Variants in SGCZ observed in about 807,000 individuals in gnomAD.
SGCZ encodes zeta-sarcoglycan.
SGCZ carries 40 observed loss-of-function variants against 41.3 expected under a neutral mutation model. The observed-to-expected ratio is 0.97, with a 90% CI of 0.75 to 1.26. The LOEUF (loss-of-function observed/expected upper bound fraction) is 1.26, where lower values mean the gene tolerates loss of function less well. Among genes scored for constraint, SGCZ ranks in the 50% most tolerant of loss-of-function variants. The probability of loss-of-function intolerance (pLI) is 0.00; values close to 1 mark genes in which losing one functional copy is unlikely to be tolerated. For missense variants in SGCZ, 552 were observed against 369.8 expected, an observed-to-expected ratio of 1.49 and a Z score of -4.04; for synonymous variants, 206 against 137.5, an observed-to-expected ratio of 1.50 and a Z score of -3.49.
At chr8:14,492,114 G>A (rs184464886) in intron 2 of SGCZ, among the ~76,000 whole-genome samples, 61 of 152,226 alleles carry the variant, frequency 4.0e-4, no homozygotes, top group African/African-American at 1.4e-3. Context: ...TTTACATAAA[G>A]CGAGAGAATA....
chr8:14,969,437 T>C (rs371484269), intron 1 of SGCZ, among the ~76,000 whole-genome samples: 46 of 152,166 alleles, frequency 3.0e-4, no homozygotes, highest in African/African-American at 1.1e-3. Flanking sequence ...GACATATCTA[T>C]ACAACTACAG....
chr8:14,101,442 A>G (rs1484068589), intron 7 of SGCZ, among the ~76,000 whole-genome samples: 1 of 152,234 alleles, frequency 6.6e-6, no homozygotes, highest in African/African-American at 2.4e-5. Flanking sequence ...AATTGGTAAA[A>G]ATGTGATTCT....
intron 1 of SGCZ, among the ~76,000 whole-genome samples, chr8:14,938,648 G>C (rs992594951): frequency 1.3e-5 from 2 of 151,972 alleles, no homozygotes; most frequent in African/African-American, 2.4e-5. Context: ...AAAGTTCTAT[G>C]TCCATGGAAT....
intron 2 of SGCZ, among the ~76,000 whole-genome samples, chr8:14,418,900 A>C (rs2117299447): frequency 6.6e-6 from 1 of 152,080 alleles, no homozygotes; most frequent in South Asian, 2.1e-4. Flanking sequence ...TCAGAAAAAC[A>C]TAATTGGATG....
intron 1 of SGCZ, among the ~76,000 whole-genome samples, chr8:14,837,757 C>A (rs1802751269): frequency 1.3e-5 from 2 of 151,934 alleles, no homozygotes; most frequent in Non-Finnish European, 2.9e-5. Context: ...AAGAATCGTA[C>A]TTAGATTTAC....
At chr8:14,104,918 T>G (rs994908409) in intron 6 of SGCZ, among the ~76,000 whole-genome samples, 1 of 152,138 alleles carries the variant, frequency 6.6e-6, no homozygotes, top group Non-Finnish European at 1.5e-5. Context: ...TATTTTCTTA[T>G]TCAGTAGTTA....
At chr8:15,176,067 C>G (rs542801918) in intron 1 of SGCZ, among the ~76,000 whole-genome samples, 1 of 152,272 alleles carries the variant, frequency 6.6e-6, no homozygotes, top group East Asian at 1.9e-4. Context: ...AAGAAATTCT[C>G]AAAGTGTTAA....
At chr8:15,124,519 A>C (rs1807605157) in intron 1 of SGCZ, among the ~76,000 whole-genome samples, 2 of 152,204 alleles carry the variant, frequency 1.3e-5, no homozygotes, top group South Asian at 4.1e-4. Flanking sequence ...GTCATGGCTT[A>C]ATTCTAAATA....
chr8:14,643,159 A>G (rs995042404), intron 1 of SGCZ, among the ~76,000 whole-genome samples: 1 of 151,656 alleles, frequency 6.6e-6, no homozygotes, highest in South Asian at 2.1e-4. Flanking sequence ...GATGAAGGGG[A>G]AAAAGAGTGG....
chr8:14,368,215 G>C (rs1328942843), intron 2 of SGCZ, among the ~76,000 whole-genome samples: 1 of 151,924 alleles, frequency 6.6e-6, no homozygotes, highest in African/African-American at 2.4e-5. Context: ...GAATATATGT[G>C]AGTGTATTTC....
chr8:14,456,888 C>T (rs1156842259), intron 2 of SGCZ, among the ~76,000 whole-genome samples: 4 of 152,162 alleles, frequency 2.6e-5, no homozygotes, highest in Admixed American at 2.6e-4. Context: ...GTGGTACCTC[C>T]CCTCCAACCA....
At chr8:14,134,868 G>GT (rs905714703) in intron 5 of SGCZ, among the ~76,000 whole-genome samples, 4 of 146,624 alleles carry the variant, frequency 2.7e-5, no homozygotes, top group African/African-American at 7.3e-5. Flanking sequence ...TGTTTGATAT[G>GT]TTTTTTAAAA....
At chr8:14,877,888 G>A (rs1033655165) in intron 1 of SGCZ, among the ~76,000 whole-genome samples, 1 of 151,916 alleles carries the variant, frequency 6.6e-6, no homozygotes, top group South Asian at 2.1e-4. Flanking sequence ...TTACATTTAT[G>A]CAAAAGGGTT....
chr8:14,469,539 C>G (rs1265502652), intron 2 of SGCZ, among the ~76,000 whole-genome samples: 1 of 152,098 alleles, frequency 6.6e-6, no homozygotes, highest in Non-Finnish European at 1.5e-5. Context: ...TCCTGGCATA[C>G]AACTCCTAAA....
chr8:14,997,680 C>A (rs74382655), intron 1 of SGCZ, among the ~76,000 whole-genome samples: 7 of 152,152 alleles, frequency 4.6e-5, no homozygotes, highest in Admixed American at 4.6e-4. Flanking sequence ...ATAGTCCTGG[C>A]AGGGTGCAGT....
rs181559064 is a variant in SGCZ at position 15,218,761 on chromosome 8, G to C, written c.39+18824C>G. Among the ~76,000 whole-genome samples the C allele has an allele frequency of 2.0e-3, 303 of 152,274 alleles. 2 individuals carry two copies. The highest frequency in any genetic ancestry group is 7.0e-3 in the African/African-American group (290 of 41,550). ...AATTGACGCATGGATGGATAGTTCT[G>C]TGTGAAACATTGATGACTGTACCCA... On this transcript the variant is annotated intron_variant, in intron 1 of 7. Coordinates refer to ENST00000382080, the MANE Select transcript of SGCZ (RefSeq NM_139167.4).
At chr8:14,335,440 A>G (rs1303311987) in intron 2 of SGCZ, among the ~76,000 whole-genome samples, 1 of 152,030 alleles carries the variant, frequency 6.6e-6, no homozygotes, top group Non-Finnish European at 1.5e-5. Flanking sequence ...AATCTGGTTA[A>G]TTTCATTACA....
chr8:14,375,886 A>G lies in SGCZ; in HGVS notation c.235-51682T>C, dbSNP rs149029608. On this transcript the variant is annotated intron_variant, in intron 2 of 7. Transcript: ENST00000382080. ...TAAAAGCAGAAATTATGAGATAGAA[A>G]ACAGAAAATTGAAAGCTTAAATTAT... is the stretch of plus-strand genomic sequence containing the variant. 7.8e-3 allele frequency among the ~76,000 whole-genome samples: 1,183 copies of G among 152,360 alleles called. 12 individuals carry two copies. The highest frequency in any genetic ancestry group is 0.026 in the African/African-American group (1,082 of 41,588).
At chr8:14,161,119 A>G (rs1318988159) in intron 5 of SGCZ, among the ~76,000 whole-genome samples, 1 of 152,156 alleles carries the variant, frequency 6.6e-6, no homozygotes, top group Non-Finnish European at 1.5e-5. Context: ...CCTGGAGTCA[A>G]TGTCTCTTTG....
Sources: gnomAD v4.1 joint callset for allele counts (sites outside exome capture counted in the v4.1 genomes callset) on GRCh38, gnomAD v4.1.1 for gene constraint, MANE v1.5 for transcripts, NCBI Gene and HGNC (gene_info 2026-07-23, HGNC 2026-07-21) for gene names.